USP6: variants seen among roughly 807,000 people sequenced by gnomAD.
USP6 encodes ubiquitin specific peptidase 6, also known as ubiquitin carboxyl-terminal hydrolase 6.
In USP6, 128 loss-of-function variants were observed where a neutral mutation model predicts 175.7. The ratio of observed to expected loss-of-function variants is 0.73; its 90% CI spans 0.63 to 0.84. The LOEUF (loss-of-function observed/expected upper bound fraction) is 0.84, where lower values mean the gene tolerates loss of function less well. Ranked by LOEUF, USP6 falls within the 40% of genes least tolerant of loss-of-function variation. The pLI is 0.00. For missense variants in USP6, 1,498 were observed against 1,760.3 expected, an observed-to-expected ratio of 0.85 and a Z score of 2.67; for synonymous variants, 562 against 630.6, an observed-to-expected ratio of 0.89 and a Z score of 1.63.
At chr17:5,121,330 T>G in intron 3 of USP6, 45 bp from the exon 4 acceptor site, 1 of 343,160 alleles carries the variant, frequency 2.9e-6, no homozygotes, top group Non-Finnish European at 5.7e-6. Context: ...TGTGCCCCAC[T>G]TCTGAAAATC....
Position 5,142,075 on chromosome 17 carries a change from G to A in USP6, c.1646G>A (p.Cys549Tyr). The change falls in exon 24 of 38, where the codon TGC becomes TAC. Residue 549 changes from cysteine to tyrosine, a missense_variant. Coordinates refer to ENST00000574788, the MANE Select transcript of USP6 (RefSeq NM_001304284.2). ...NTCFMNSSIQ[C>Y]VSNTQPLTQY... ...TGCTTCATGAACTCAAGCATCCAGT[G>A]CGTTAGTAACACACAGCCACTGACA... 1 of 1,613,910 alleles carries A rather than the reference G, an allele frequency of 6.2e-7. No homozygotes were observed. Among genetic ancestry groups the A allele is most frequent in the Non-Finnish European group, 8.5e-7 (1 of 1,179,854 alleles).
At chr17:5,123,852 C>T (rs1287125750) in intron 4 of USP6, among the ~76,000 whole-genome samples, 1 of 151,854 alleles carries the variant, frequency 6.6e-6, no homozygotes, top group African/African-American at 2.4e-5. Context: ...GTTGAGGATG[C>T]TGTTAACACC....
Position 5,168,839 on chromosome 17 carries a change from C to G in USP6, c.3301C>G (p.Arg1101Gly). ...IKSQKIVRFL[R>G]ESFDPSAFLV... ...ATCACAGAAAATTGTCAGATTTCTT[C>G]GGGAAAGTTTTGATCCGAGTGCTTT... The change falls in exon 35 of 38, where the codon CGG becomes GGG. Residue 1101 changes from arginine (R) to glycine (G), a missense_variant. Coordinates refer to ENST00000574788, the MANE Select transcript of USP6 (RefSeq NM_001304284.2). 6.2e-7 allele frequency: 1 copy of G among 1,611,532 alleles called. No homozygotes were observed. The highest frequency in any genetic ancestry group is 8.5e-7 in the Non-Finnish European group (1 of 1,179,098).
intron 31 of USP6, among the ~76,000 whole-genome samples, chr17:5,159,578 AG>A (rs2073963299): frequency 6.6e-6 from 1 of 152,228 alleles, no homozygotes; most frequent in African/African-American, 2.4e-5. Flanking sequence ...GGAATGTTTT[AG>A]AAAAGGAAGG....
In USP6 at chr17:5,146,181, T is replaced by A; in HGVS notation, c.2319+7T>A. 6.2e-7 allele frequency: 1 copy of A among 1,601,100 alleles called. No individual in the cohort carries two copies. The highest frequency in any genetic ancestry group is 8.5e-7 in the Non-Finnish European group (1 of 1,173,000). The stretch of plus-strand genomic sequence containing the variant: ...ACATGATTCCAACATAAAGGTAATG[T>A]TAACTACTCTAAGAAACTTTTGATT... On this transcript the variant is annotated splice_region_variant and intron_variant, in intron 28 of 37. Transcript: ENST00000574788.
intron 18 of USP6, among the ~76,000 whole-genome samples, 158 bp from the exon 19 acceptor site, chr17:5,136,963 A>G (rs775308321): frequency 2.8e-4 from 42 of 152,160 alleles, no homozygotes; most frequent in Non-Finnish European, 5.0e-4. Context: ...GGCAAAGGGC[A>G]GTGTGTCCAC....
At chr17:5,133,866 C>T in intron 14 of USP6, 21 bp from the exon 15 acceptor site, 1 of 1,612,156 alleles carries the variant, frequency 6.2e-7, no homozygotes, top group Non-Finnish European at 8.5e-7. Context: ...GCTGCTTCCT[C>T]CTCTTGGCCC....
At chr17:5,135,007 T>C (rs2073205126) in intron 15 of USP6, 5 of 485,060 alleles carry the variant, frequency 1.0e-5, no homozygotes, top group Admixed American at 3.1e-5. Flanking sequence ...AAAAAAATCA[T>C]TCAGCGTGAA....
At position 5,139,305 on chromosome 17, in the gene USP6, G is replaced by A; in HGVS notation, c.1129G>A (p.Gly377Ser). The change falls in exon 22 of 38, where the codon GGT becomes AGT. Residue 377 changes from glycine to serine, a missense_variant. Gly to Ser is a moderately conservative substitution (Grantham distance 56). Coordinates refer to ENST00000574788, the MANE Select transcript of USP6 (RefSeq NM_001304284.2). ...ACCCAGGCCTGTGCCGGCTTCACGT[G>A]GTGGGAAGACCCTCTGCAAGGGGTA... The part of the protein sequence containing the change: ...LAPRPVPASR[G>S]GKTLCKGYRQ... 6.2e-7 allele frequency: 1 copy of A among 1,609,016 alleles called. No homozygotes were observed.
rs576618839 is a variant in USP6 at position 5,148,541 on chromosome 17, T to C, written c.2432-15T>C. 1 of 1,613,644 alleles carries C rather than the reference T, an allele frequency of 6.2e-7. No homozygotes were observed. Among genetic ancestry groups the C allele is most frequent in the East Asian group, 2.2e-5 (1 of 44,872 alleles). On this transcript the variant is annotated splice_polypyrimidine_tract_variant and intron_variant, in intron 29 of 37. Coordinates refer to ENST00000574788, the MANE Select transcript of USP6 (RefSeq NM_001304284.2). ...CCACAAGCTTATGATGCTGTACTTATCTTTGAATTTGTAGATTTCTCCTCT... is the reference window on the plus strand; with the variant it reads ...CCACAAGCTTATGATGCTGTACTTACCTTTGAATTTGTAGATTTCTCCTCT...
chr17:5,136,585 G>A, intron 17 of USP6, 55 bp from the exon 18 acceptor site: 3 of 1,595,804 alleles, frequency 1.9e-6, no homozygotes, highest in Non-Finnish European at 2.6e-6. Context: ...TTCAGCTGAT[G>A]GCTCCACACC....
In USP6 at chr17:5,171,689, C is replaced by T. The variant is rs746712751; in HGVS notation, c.4047+10C>T. 1.2e-6 allele frequency: 2 copies of T among 1,612,274 alleles called. No homozygotes were observed. The highest frequency in any genetic ancestry group is 3.3e-5 in the Admixed American group (2 of 59,832). On this transcript the variant is annotated intron_variant, in intron 37 of 37. Transcript: ENST00000574788. ...TGACAGCAGCTGTGAGGTAAACATTCTCAATCTTTGAATGAAAGTTAGAAT... is the reference window on the plus strand; with the variant it reads ...TGACAGCAGCTGTGAGGTAAACATTTTCAATCTTTGAATGAAAGTTAGAAT...
Position 5,170,709 on chromosome 17 carries a change from G to C in USP6, c.3748G>C (p.Gly1250Arg), listed in dbSNP as rs756544919. 6 of 1,613,856 alleles carry C rather than the reference G, an allele frequency of 3.7e-6. No homozygotes were observed. The highest frequency in any genetic ancestry group is 1.3e-5 in the African/African-American group (1 of 74,926). The change falls in exon 36 of 38, where the codon GGG (glycine) becomes CGG (arginine). Residue 1250 changes from glycine (G) to arginine (R), a missense_variant. Coordinates refer to ENST00000574788, the MANE Select transcript of USP6 (RefSeq NM_001304284.2). ...CGCCTTGAGCCGAGGGCATATGCGG[G>C]GGGGCAGCCAACCAGAGCTGGTCAC... ...ADALSRGHMR[G>R]GSQPELVTPQ...
At chr17:5,143,876 A>T (rs1205196300) in intron 25 of USP6, among the ~76,000 whole-genome samples, 3 of 152,190 alleles carry the variant, frequency 2.0e-5, no homozygotes, top group African/African-American at 7.2e-5. Context: ...CAATGAGCCA[A>T]GATCGCACCA....
At chr17:5,172,308 G>T (rs1217339423) in intron 37 of USP6, among the ~76,000 whole-genome samples, 1 of 152,154 alleles carries the variant, frequency 6.6e-6, no homozygotes, top group East Asian at 1.9e-4. Flanking sequence ...AAGGTGGGCG[G>T]ATCATGAGGT....
chr17:5,136,617 A>G, intron 17 of USP6, 23 bp from the exon 18 acceptor site: 1 of 1,610,470 alleles, frequency 6.2e-7, no homozygotes, highest in Non-Finnish European at 8.5e-7. Flanking sequence ...CTCTGATTTC[A>G]TGATGGGCTG....
intron 35 of USP6, among the ~76,000 whole-genome samples, chr17:5,169,784 T>C (rs2074174308): frequency 6.6e-6 from 1 of 152,242 alleles, no homozygotes; most frequent in Admixed American, 6.5e-5. Flanking sequence ...ATGTGCTTTT[T>C]CACTTTTTTT....
chr17:5,146,288 C>A (rs1045010138), intron 28 of USP6, 114 bp downstream of exon 28: 3 of 1,356,472 alleles, frequency 2.2e-6, no homozygotes, highest in Non-Finnish European at 2.9e-6. Context: ...TAAAACATAA[C>A]GAAAACTGAA....
chr17:5,171,857 G>A (rs1161779425), intron 37 of USP6, among the ~76,000 whole-genome samples, 178 bp downstream of exon 37: 2 of 152,176 alleles, frequency 1.3e-5, no homozygotes, highest in African/African-American at 4.8e-5. Context: ...GAAAACATGA[G>A]TAGTGAGGAA....
Sources: allele counts gnomAD v4.1 joint callset (sites outside exome capture counted in the v4.1 genomes callset), GRCh38; gene constraint gnomAD v4.1.1; transcripts MANE v1.5; gene names NCBI Gene and HGNC (gene_info 2026-07-23, HGNC 2026-07-21).